Variants in LRCH2 observed in about 807,000 individuals in gnomAD.
The protein encoded by LRCH2 is leucine rich repeats and calponin homology domain containing 2.
A neutral mutation model predicts 68.9 loss-of-function variants in LRCH2; 38 were observed. That is an observed-to-expected ratio of 0.55 (90% CI 0.43 to 0.72). The LOEUF (loss-of-function observed/expected upper bound fraction) is 0.72, where lower values mean the gene tolerates loss of function less well. Ranked by LOEUF, LRCH2 falls within the 30% of genes least tolerant of loss-of-function variation. The pLI is 0.00. For missense variants in LRCH2, 528 were observed against 572.9 expected (o/e 0.92, Z 0.80); for synonymous variants, 191 against 208.1 (o/e 0.92, Z 0.71).
intron 1 of LRCH2, among the ~76,000 whole-genome samples, chrX:115,225,216 C>A (rs1288524010): frequency 2.7e-5 from 3 of 111,639 alleles, no homozygotes; most frequent in Non-Finnish European, 5.6e-5. Context: ...GGGGTTCTGG[C>A]TTCTGTGATC....
Position 115,122,616 on chromosome X carries a change from G to T in LRCH2, c.2101-12C>A. On this transcript the variant is annotated splice_polypyrimidine_tract_variant and intron_variant, in intron 19 of 20. Coordinates refer to ENST00000317135, the MANE Select transcript of LRCH2 (RefSeq NM_020871.4). ...ATGCTCAGTTTGGGCTGTAAAGTAA[G>T]AGGGAAAAAATGTACTTTTAGGCAT... The T allele has an allele frequency of 8.3e-7, 1 of 1,202,170 alleles. No individual in the cohort carries two copies. Among genetic ancestry groups the T allele is most frequent in the Non-Finnish European group, 1.1e-6 (1 of 890,561 alleles).
At chrX:115,167,191 TAAAAAAAAAAAAAAA>T (rs58298502) in intron 6 of LRCH2, among the ~76,000 whole-genome samples, 4 of 8,396 alleles carry the variant, frequency 4.8e-4, no homozygotes, top group Non-Finnish European at 7.6e-4. Context: ...AGTTTCATGC[TAAAAAAAAAAAAAAA>T]AAAAAAAAAA....
chrX:115,205,511 T>C (rs2072959683), intron 1 of LRCH2, among the ~76,000 whole-genome samples: 1 of 112,286 alleles, frequency 8.9e-6, no homozygotes, highest in Admixed American at 9.4e-5. Flanking sequence ...GGTTCATTAA[T>C]TGTAAAAAAT....
intron 12 of LRCH2, among the ~76,000 whole-genome samples, chrX:115,151,401 A>G (rs1472423114): frequency 1.8e-5 from 2 of 111,299 alleles, no homozygotes; most frequent in Non-Finnish European, 3.8e-5. Flanking sequence ...AGAATAAAAA[A>G]GGGGGAGGAG....
chrX:115,195,500 CAGG>C (rs2072880817), intron 1 of LRCH2, among the ~76,000 whole-genome samples: 1 of 109,160 alleles, frequency 9.2e-6, no homozygotes, highest in Non-Finnish European at 1.9e-5. Flanking sequence ...CAAAAAGTGA[CAGG>C]AGGATGACCT....
chrX:115,175,492 C>A (rs782540726), intron 5 of LRCH2, among the ~76,000 whole-genome samples: 1 of 111,548 alleles, frequency 9.0e-6, no homozygotes, highest in South Asian at 3.9e-4. Flanking sequence ...CTAGGTTTTC[C>A]CACTCCATCT....
chrX:115,121,764 C>T (rs781994509), intron 20 of LRCH2, among the ~76,000 whole-genome samples: 1 of 112,341 alleles, frequency 8.9e-6, no homozygotes, highest in East Asian at 2.8e-4. Context: ...ATTCTCTACA[C>T]ATTAAATTAT....
intron 14 of LRCH2, among the ~76,000 whole-genome samples, chrX:115,146,726 T>C: frequency 9.1e-6 from 1 of 110,138 alleles, no homozygotes; most frequent in Non-Finnish European, 1.9e-5. Flanking sequence ...AGAGTCAATG[T>C]AACTTTCCTA....
intron 3 of LRCH2, 80 bp downstream of exon 3, chrX:115,184,331 A>G: frequency 2.5e-6 from 2 of 808,682 alleles, no homozygotes; most frequent in Non-Finnish European, 3.3e-6. Context: ...TTACAATTAA[A>G]TTCCATTAAA....
chrX:115,212,560 T>G (rs1189868139), intron 1 of LRCH2, among the ~76,000 whole-genome samples: 1 of 110,866 alleles, frequency 9.0e-6, no homozygotes, highest in Non-Finnish European at 1.9e-5. Context: ...AGTGCAGTGG[T>G]GTGATCACAG....
At chrX:115,177,963 T>G (rs1410124867) in intron 5 of LRCH2, among the ~76,000 whole-genome samples, 1 of 111,994 alleles carries the variant, frequency 8.9e-6, no homozygotes, top group Admixed American at 9.5e-5. Flanking sequence ...AAAATTCAGT[T>G]CTTTTGTCAC....
rs868967099 is a variant in LRCH2 at position 115,234,056 on chromosome X, G to T, written c.-15C>A. 9 of 1,162,459 alleles carry T rather than the reference G, an allele frequency of 7.7e-6. No homozygotes were observed. In the Middle Eastern group the frequency reaches 2.1e-3, roughly 271 times the overall value. On this transcript the variant is annotated 5_prime_UTR_variant, in exon 1 of 21. Transcript: ENST00000317135. Reference sequence around the variant, plus strand: ...CTCGCCGCCATGTTCCTGGGAGAGAGAATAGCCCCCGACAATACTGTCAGC... The same window carrying T: ...CTCGCCGCCATGTTCCTGGGAGAGATAATAGCCCCCGACAATACTGTCAGC...
chrX:115,131,288 A>G (rs2072242908), intron 14 of LRCH2, among the ~76,000 whole-genome samples: 1 of 91,869 alleles, frequency 1.1e-5, no homozygotes, highest in South Asian at 5.8e-4. Context: ...CTAGTGTGTG[A>G]TGTTCCCCAC....
chrX:115,128,944 C>G (rs1275676183), intron 15 of LRCH2, among the ~76,000 whole-genome samples: 1 of 111,964 alleles, frequency 8.9e-6, no homozygotes, highest in Non-Finnish European at 1.9e-5. Context: ...TAAAGCTCAC[C>G]TGGTAATTTT....
intron 1 of LRCH2, among the ~76,000 whole-genome samples, chrX:115,219,800 T>C (rs909396506): frequency 8.9e-6 from 1 of 111,782 alleles, no homozygotes; most frequent in Admixed American, 9.5e-5. Flanking sequence ...GGATAGGAAA[T>C]GGCCTTGTGA....
intron 14 of LRCH2, among the ~76,000 whole-genome samples, chrX:115,131,847 T>C (rs923456788): frequency 6.2e-5 from 7 of 112,222 alleles, no homozygotes; most frequent in African/African-American, 2.3e-4. Context: ...TGCATTTCTC[T>C]GATGGCTAGT....
At position 115,233,788 on chromosome X, in the gene LRCH2, T is replaced by C; in HGVS notation, c.254A>G (p.Glu85Gly). The change falls in exon 1 of 21, where the codon GAA becomes GGA. Residue 85 changes from glutamate to glycine, a missense_variant. By Grantham distance (98) the Glu-to-Gly change is moderately conservative. Coordinates refer to ENST00000317135, the MANE Select transcript of LRCH2 (RefSeq NM_020871.4). ...CAGGATGCCGGAGCTGCCCGCCTCT[T>C]CCAGGGCCCGGTCCAGGCTCCTCAC... is the stretch of plus-strand genomic sequence containing the variant. ...HTVRSLDRAL[E>G]EAGSSGILSL... 1.7e-6 allele frequency: 2 copies of C among 1,176,526 alleles called. No individual in the cohort carries two copies. Among genetic ancestry groups the C allele is most frequent in the Non-Finnish European group, 2.3e-6 (2 of 877,430 alleles).
At chrX:115,187,098 G>A (rs376823849) in intron 2 of LRCH2, among the ~76,000 whole-genome samples, 7 of 111,758 alleles carry the variant, frequency 6.3e-5, no homozygotes, top group South Asian at 3.7e-4. Flanking sequence ...GATTACAGGC[G>A]TGAGCCACCG....
chrX:115,117,766 C>T (rs921971237), intron 20 of LRCH2, among the ~76,000 whole-genome samples: 15 of 110,877 alleles, frequency 1.4e-4, no homozygotes, highest in African/African-American at 4.9e-4. Context: ...TGACAGAAAG[C>T]AGATTAGTGG....
Sources: gnomAD v4.1 joint callset for allele counts (sites outside exome capture counted in the v4.1 genomes callset) on GRCh38, gnomAD v4.1.1 for gene constraint, MANE v1.5 for transcripts, NCBI Gene and HGNC (gene_info 2026-07-23, HGNC 2026-07-21) for gene names.